SEC31A: variants seen among roughly 807,000 people sequenced by gnomAD.
SEC31A encodes the protein SEC31 homolog A, COPII component, also known as protein transport protein Sec31A.
Under a neutral mutation model 151.0 loss-of-function variants are expected in SEC31A, and 70 were observed. The observed-to-expected ratio is 0.46, with a 90% confidence interval of 0.38 to 0.57. SEC31A has a LOEUF of 0.57. Ranked by LOEUF, SEC31A falls within the 20% of genes least tolerant of loss-of-function variation. The pLI is 0.00. For missense variants in SEC31A, 1,330 were observed against 1,471.2 expected, an observed-to-expected ratio of 0.90 and a Z score of 1.57; for synonymous variants, 475 against 505.9, an observed-to-expected ratio of 0.94 and a Z score of 0.82.
intron 10 of SEC31A, among the ~76,000 whole-genome samples, chr4:82,865,461 C>T (rs1386067816): frequency 6.6e-6 from 1 of 151,016 alleles, no homozygotes; most frequent in Non-Finnish European, 1.5e-5. Flanking sequence ...ATGTTCACCA[C>T]AGCATTTATT....
chr4:82,889,601 G>A (rs1000661064), intron 1 of SEC31A, among the ~76,000 whole-genome samples: 3 of 150,674 alleles, frequency 2.0e-5, no homozygotes, highest in Non-Finnish European at 3.0e-5. Context: ...GTGTGTATAT[G>A]TGCATTCTTC....
chr4:82,888,378 CAA>C (rs1560676313), intron 1 of SEC31A, among the ~76,000 whole-genome samples: 3 of 10,604 alleles, frequency 2.8e-4, no homozygotes, highest in Non-Finnish European at 7.7e-4. Context: ...AAAAAACACA[CAA>C]AAAACATATA....
chr4:82,889,140 C>T (rs1035743436), intron 1 of SEC31A, among the ~76,000 whole-genome samples: 1 of 152,210 alleles, frequency 6.6e-6, no homozygotes, highest in Non-Finnish European at 1.5e-5. Context: ...GAGAAAGCAA[C>T]TGTGCACTGG....
chr4:82,875,888 T>A, intron 4 of SEC31A, 66 bp from the exon 5 acceptor site: 2 of 858,574 alleles, frequency 2.3e-6, no homozygotes, highest in Non-Finnish European at 3.6e-6. Flanking sequence ...ATAACTCAGT[T>A]CAGAGCTAGA....
At position 82,871,311 on chromosome 4, in the gene SEC31A, TACACACAC is replaced by T. The variant is rs10548601; in HGVS notation, c.782+625_782+632del. On this transcript the variant is annotated intron_variant, in intron 7 of 26. Transcript: ENST00000395310. ...AAATTATATTGGGATTATACATGCA[TACACACAC>T]ACACACACACACACACACAAGTAAC... 2.0e-4 allele frequency: 263 copies of T among 1,323,814 alleles called. No individual in the cohort carries two copies. In the East Asian group the frequency reaches 2.6e-3, roughly 13 times the overall value. 82.0% of individuals were successfully genotyped at this position (1,323,814 alleles called of 1,614,324 possible).
At position 82,854,878 on chromosome 4, in the gene SEC31A, G is replaced by A. The variant is rs199682008; in HGVS notation, c.2008+25C>T. 8 of 1,592,494 alleles carry A rather than the reference G, an allele frequency of 5.0e-6. 1 individual carries two copies. In the Admixed American group the frequency reaches 1.3e-4, roughly 25 times the overall value. On this transcript the variant is annotated intron_variant, in intron 17 of 26. Transcript: ENST00000395310. ...ATACCCTGCCACGTATGTAAATGCAGTTAAATATAAAGCACATCTCTTACC... is the reference window on the plus strand; with the variant it reads ...ATACCCTGCCACGTATGTAAATGCAATTAAATATAAAGCACATCTCTTACC...
chr4:82,822,313 CAT>C (rs1723541224), intron 25 of SEC31A, among the ~76,000 whole-genome samples: 1 of 151,304 alleles, frequency 6.6e-6, no homozygotes, highest in African/African-American at 2.4e-5. Context: ...GGGGGCTAAA[CAT>C]GTTGGGAGTT....
chr4:82,899,096 A>C (rs1720189699), intron 3 of SEC31A, among the ~76,000 whole-genome samples: 3 of 152,246 alleles, frequency 2.0e-5, no homozygotes, highest in Non-Finnish European at 4.4e-5. Context: ...AAGTGAAAGA[A>C]GCCAGTCACA....
chr4:82,851,683 A>G, intron 18 of SEC31A, 79 bp from the exon 19 acceptor site: 1 of 1,252,040 alleles, frequency 8.0e-7, no homozygotes, highest in Non-Finnish European at 1.1e-6. Flanking sequence ...AAGAGTTACT[A>G]AGATTTCTAA....
intron 3 of SEC31A, among the ~76,000 whole-genome samples, chr4:82,897,373 TCAAA>T (rs1186850403): frequency 6.6e-6 from 1 of 152,038 alleles, no homozygotes; most frequent in Non-Finnish European, 1.5e-5. Context: ...AAGACAGAAC[TCAAA>T]CAATGAAAAA....
intron 22 of SEC31A, among the ~76,000 whole-genome samples, chr4:82,836,149 T>G (rs1262583092): frequency 6.6e-6 from 1 of 151,474 alleles, no homozygotes; most frequent in Non-Finnish European, 1.5e-5. Context: ...CCAAGGTGGG[T>G]GGATCACAAG....
intron 26 of SEC31A, 93 bp downstream of exon 26, chr4:82,820,944 C>G: frequency 1.0e-6 from 1 of 1,004,844 alleles, no homozygotes; most frequent in East Asian, 2.4e-5. Context: ...ATTTTGCCCC[C>G]ATGCATACTA....
intron 20 of SEC31A, chr4:82,845,136 A>T: frequency 2.8e-6 from 3 of 1,075,696 alleles, no homozygotes; most frequent in Non-Finnish European, 4.1e-6. Context: ...AGGTAAGTAG[A>T]GAACATATAA....
intron 6 of SEC31A, 117 bp downstream of exon 6, chr4:82,874,494 T>C: frequency 1.9e-6 from 2 of 1,046,958 alleles, no homozygotes; most frequent in South Asian, 1.8e-5. Context: ...GACTGATTAA[T>C]AAAAAAACAG....
At chr4:82,872,188 T>C (rs1398617018) in intron 6 of SEC31A, 102 bp from the exon 7 acceptor site, 1 of 864,898 alleles carries the variant, frequency 1.2e-6, no homozygotes, top group Non-Finnish European at 1.8e-6. Context: ...GTGAAAAACA[T>C]CAGCTGTGGC....
Position 82,844,006 on chromosome 4 carries a change from C to T in SEC31A, c.2626+380G>A, listed in dbSNP as rs1459620481. On this transcript the variant is annotated intron_variant, in intron 21 of 26. Transcript: ENST00000395310. ...AAATAAAATGGAAAAACAGTAATAA[C>T]AAATGCCCCTTGAAACCATTTTTCC... The T allele has an allele frequency of 4.4e-5, 9 of 202,640 alleles. No individual in the cohort carries two copies. In the Admixed American group the frequency reaches 4.7e-4, roughly 11 times the overall value. 12.6% of individuals were successfully genotyped at this position (202,640 alleles called of 1,614,324 possible). A position where few individuals can be genotyped will look rare whatever the true frequency, so the allele number is the denominator to read the frequency against.
chr4:82,871,554 T>C, intron 7 of SEC31A: 1 of 671,366 alleles, frequency 1.5e-6, no homozygotes, highest in South Asian at 1.9e-5. Context: ...GGTGGGCAGA[T>C]CACTTGAGGT....
At position 82,827,393 on chromosome 4, in the gene SEC31A, C is replaced by G; in HGVS notation, c.3267G>C (p.Gly1089=). Residue 1089 remains glycine, a synonymous_variant, in exon 24 of 27, where the codon GGG becomes GGC. Coordinates refer to ENST00000395310, the MANE Select transcript of SEC31A (RefSeq NM_001077207.4). The part of the protein sequence containing the change: ...FSKPNIEGAP[G]APIGNTFQHV... ...CCTGGAAGGTATTTCCAATAGGAGC[C>G]CCTGGGGCACCTTCAATATTGGGCT... is the stretch of plus-strand genomic sequence containing the variant. 1 of 1,614,196 alleles carries G rather than the reference C, an allele frequency of 6.2e-7. No individual in the cohort carries two copies. The highest frequency in any genetic ancestry group is 8.5e-7 in the Non-Finnish European group (1 of 1,180,016).
chr4:82,861,706 A>ACTCT lies in SEC31A; in HGVS notation c.1550_1551insAGAG (p.Leu518GlufsTer3). On this transcript the variant is annotated frameshift_variant and splice_region_variant, in exon 14 of 27. Transcript: ENST00000395310. LOFTEE classifies it high-confidence loss of function. ...GTGCTACTTGGTCAGAGTCTTTAAG[A>ACTCT]GCCTTTGGTACACAAAACAATTACA... is the stretch of plus-strand genomic sequence containing the variant. 1.2e-6 allele frequency: 2 copies of ACTCT among 1,603,832 alleles called. No homozygotes were observed. Among genetic ancestry groups the ACTCT allele is most frequent in the African/African-American group, 2.7e-5 (2 of 74,856 alleles).
Sources: allele counts gnomAD v4.1 joint callset (sites outside exome capture counted in the v4.1 genomes callset), GRCh38; gene constraint gnomAD v4.1.1; transcripts MANE v1.5; gene names NCBI Gene and HGNC (gene_info 2026-07-23, HGNC 2026-07-21).